The following SOX10 variants were observed in gnomAD, a reference collection of about 807,000 sequenced individuals.
The protein encoded by SOX10 is transcription factor SOX-10.
A neutral mutation model predicts 35.0 loss-of-function variants in SOX10; 3 were observed. The ratio of observed to expected loss-of-function variants is 0.09; its 90% CI spans 0.04 to 0.22. The LOEUF (loss-of-function observed/expected upper bound fraction) is 0.22, where lower values mean the gene tolerates loss of function less well. Among genes scored for constraint, SOX10 ranks in the 10% least tolerant of loss-of-function variants. SOX10 has a pLI of 1.00. For missense variants in SOX10, 436 were observed against 655.1 expected (o/e 0.67, Z 3.65); for synonymous variants, 285 against 291.0 (o/e 0.98, Z 0.21).
chr22:37,975,450 C>CT (rs1467258832), intron 3 of SOX10, among the ~76,000 whole-genome samples: 1 of 152,144 alleles, frequency 6.6e-6, no homozygotes. Context: ...GGTGGTTGCT[C>CT]TGTATGTGGT....
Position 37,980,945 on chromosome 22 carries a change from T to C in SOX10, c.428+2412A>G, listed in dbSNP as rs1233321446. ...CACACAGGAGGGACTCTTGCCTGTG[T>C]CCGCCTTTCCAGTTTCTTGGCTCTG... On this transcript the variant is annotated intron_variant, in intron 2 of 3. Transcript: ENST00000396884. This position sits in a 1 kb window ranked among gnomAD's most constrained non-coding sequence, Gnocchi z 4.1. Among the ~76,000 whole-genome samples, 2 of 152,174 alleles carry C rather than the reference T, an allele frequency of 1.3e-5. No individual in the cohort carries two copies. Among genetic ancestry groups the C allele is most frequent in the Non-Finnish European group, 2.9e-5 (2 of 68,026 alleles).
chr22:37,979,788 G>C (rs1932339473), intron 2 of SOX10, among the ~76,000 whole-genome samples: 1 of 152,086 alleles, frequency 6.6e-6, no homozygotes, highest in South Asian at 2.1e-4. Flanking sequence ...CTTACAGAGG[G>C]GGTCGAGGGG....
Position 37,983,925 on chromosome 22 carries a change from G to C in SOX10, c.-84-57C>G, listed in dbSNP as rs1932491082. 3.4e-6 allele frequency: 2 copies of C among 595,050 alleles called. No homozygotes were observed. The highest frequency in any genetic ancestry group is 3.5e-5 in the South Asian group (1 of 28,330). 36.9% of individuals were successfully genotyped at this position (595,050 alleles called of 1,614,324 possible). A position where few individuals can be genotyped will look rare whatever the true frequency, so the allele number is the denominator to read the frequency against. ...GCGCGCGCAGCCCCGAGGGCGGCCC[G>C]AGACAGGACGTGGGCACAGCCCCGA... is the stretch of plus-strand genomic sequence containing the variant. On this transcript the variant is annotated intron_variant, in intron 1 of 3. Coordinates refer to ENST00000396884, the MANE Select transcript of SOX10 (RefSeq NM_006941.4). The surrounding 1 kb of genome is among the most constrained non-coding windows in gnomAD (Gnocchi z 9.5).
chr22:37,977,266 C>G (rs1004994025), intron 3 of SOX10, among the ~76,000 whole-genome samples: 2 of 151,898 alleles, frequency 1.3e-5, no homozygotes, highest in Non-Finnish European at 2.9e-5. Context: ...TCTTCTCCCC[C>G]TTTACTTGTA....
chr22:37,973,800 G>A lies in SOX10; in HGVS notation c.1096C>T (p.Pro366Ser). ...GATGGCTGGTCGGTGTAGTGTGGGG[G>A]CCCCTGGGGCCCCGCGGTCTCTGTC... ...VKTETAGPQG[P>S]PHYTDQPSTS... Residue 366 changes from proline to serine, a missense_variant, in exon 4 of 4, where the codon CCC becomes TCC. By Grantham distance (74) the Pro-to-Ser change is moderately conservative. Transcript: ENST00000396884. The A allele has an allele frequency of 2.5e-6, 4 of 1,595,254 alleles. No individual in the cohort carries two copies. Among genetic ancestry groups the A allele is most frequent in the Non-Finnish European group, 3.4e-6 (4 of 1,168,348 alleles).
chr22:37,974,026 C>T lies in SOX10; in HGVS notation c.870G>A (p.Glu290=). ...EISHEVMSNM[E]TFDVAELDQY... ...GGTCCAACTCAGCCACATCAAAGGT[C>T]TCCATGTTGGACATTACCTCGTGGC... The change falls in exon 4 of 4, where the codon GAG becomes GAA. Residue 290 remains glutamate (E), a synonymous_variant. Coordinates refer to ENST00000396884, the MANE Select transcript of SOX10 (RefSeq NM_006941.4). The surrounding 1 kb of genome is among the most constrained non-coding windows in gnomAD (Gnocchi z 5.4). 1 of 1,613,996 alleles carries T rather than the reference C, an allele frequency of 6.2e-7. No individual in the cohort carries two copies. Among genetic ancestry groups the T allele is most frequent in the Middle Eastern group, 1.7e-4 (1 of 6,058 alleles).
In SOX10 at chr22:37,978,135, C is replaced by G; in HGVS notation, c.429G>C (p.Arg143Ser). 6.4e-7 allele frequency: 1 copy of G among 1,559,498 alleles called. No individual in the cohort carries two copies. The highest frequency in any genetic ancestry group is 8.7e-7 in the Non-Finnish European group (1 of 1,152,950). ...ELSKTLGKLW[R>S]LLNESDKRPF... ...GGCGCTTGTCACTTTCGTTCAGCAG[C>G]CTGGGGTGTGGTGGGAGGCGGAGAG... Residue 143 changes from arginine (R) to serine (S), a missense_variant and splice_region_variant, in exon 3 of 4, where the codon AGG becomes AGC. Transcript: ENST00000396884. This position sits in a 1 kb window ranked among gnomAD's most constrained non-coding sequence, Gnocchi z 5.0.
In SOX10 at chr22:37,974,194, C is replaced by G. The variant is rs754304135; in HGVS notation, c.702G>C (p.Gln234His). The part of the protein sequence containing the change: ...SDGNPEHPSG[Q>H]SHGPPTPPTT... ...TTGGAGGGGTGGGTGGGCCATGGCT[C>G]TGGCCTGGGTAGAAGGGAGACAGAG... The change falls in exon 4 of 4, where the codon CAG becomes CAC. Residue 234 changes from glutamine (Q) to histidine (H), a missense_variant. Physicochemically the swap from Gln to His is conservative, Grantham distance 24. Around this residue, in one of 3 missense-constraint regions of SOX10, gnomAD observed 285 missense variants for 402.9 expected, o/e 0.71. Transcript: ENST00000396884. The surrounding 1 kb of genome is among the most constrained non-coding windows in gnomAD (Gnocchi z 5.4). The G allele has an allele frequency of 1.0e-5, 16 of 1,601,984 alleles. No homozygotes were observed. Among genetic ancestry groups the G allele is most frequent in the Non-Finnish European group, 1.2e-5 (14 of 1,178,902 alleles).
In SOX10 at chr22:37,980,278, C is replaced by T. The variant is rs780860587; in HGVS notation, c.429-2143G>A. ...GAACCCACAGAGGAGAGAGCTGCTC[C>T]GCCAGCAGTGGACCCCAACAGAGGG... On this transcript the variant is annotated intron_variant, in intron 2 of 3. Transcript: ENST00000396884. The surrounding 1 kb of genome is among the most constrained non-coding windows in gnomAD (Gnocchi z 4.1). 7.5e-4 allele frequency among the ~76,000 whole-genome samples: 114 copies of T among 152,032 alleles called. No individual in the cohort carries two copies. Among genetic ancestry groups the T allele is most frequent in the Non-Finnish European group, 1.5e-3 (102 of 67,984 alleles).
chr22:37,983,953 T>C lies in SOX10; in HGVS notation c.-84-85A>G, dbSNP rs1932492061. On this transcript the variant is annotated intron_variant, in intron 1 of 3. Coordinates refer to ENST00000396884, the MANE Select transcript of SOX10 (RefSeq NM_006941.4). This position sits in a 1 kb window ranked among gnomAD's most constrained non-coding sequence, Gnocchi z 9.5. Reference sequence around the variant, plus strand: ...ACAGGACGTGGGCACAGCCCCGAGGTGGCGGCCCTTCCTGCTCCAGCTAAA... The same window carrying C: ...ACAGGACGTGGGCACAGCCCCGAGGCGGCGGCCCTTCCTGCTCCAGCTAAA... 1 of 419,738 alleles carries C rather than the reference T, an allele frequency of 2.4e-6. No individual in the cohort carries two copies. The allele number at this position is 419,738 out of a possible 1,614,324, so 26.0% of individuals were successfully genotyped here.
chr22:37,979,149 G>A (rs1356788987), intron 2 of SOX10, among the ~76,000 whole-genome samples: 1 of 152,058 alleles, frequency 6.6e-6, no homozygotes, highest in African/African-American at 2.4e-5. Flanking sequence ...CCAGGCTGGA[G>A]TGCCGTGATG....
rs991481364 is a variant in SOX10 at position 37,974,581 on chromosome 22, G to A, written c.698-383C>T. 2.6e-5 allele frequency among the ~76,000 whole-genome samples: 4 copies of A among 152,066 alleles called. No individual in the cohort carries two copies. The highest frequency in any genetic ancestry group is 4.4e-5 in the Non-Finnish European group (3 of 68,004). ...TTGGCCAGGGTTGTCTTGAACTCCT[G>A]ACCTCAGGTGATCCACCTGCCTCGG... On this transcript the variant is annotated intron_variant, in intron 3 of 3. Coordinates refer to ENST00000396884, the MANE Select transcript of SOX10 (RefSeq NM_006941.4). The surrounding 1 kb of genome is among the most constrained non-coding windows in gnomAD (Gnocchi z 5.4).
intron 3 of SOX10, among the ~76,000 whole-genome samples, chr22:37,976,685 C>T (rs1203489454): frequency 6.6e-6 from 1 of 152,198 alleles, no homozygotes; most frequent in East Asian, 1.9e-4. Context: ...TAACTTGCCA[C>T]AGCTGAGATC....
rs373169730 is a variant in SOX10 at position 37,984,537 on chromosome 22, C to G, written c.-283G>C. The stretch of plus-strand genomic sequence containing the variant: ...CACCAACCACCCTGGCCGGACAGCC[C>G]GAGACTGACTGAGCGACTGAGCCTG... On this transcript the variant is annotated 5_prime_UTR_variant, in exon 1 of 4. Transcript: ENST00000396884. The surrounding 1 kb of genome is among the most constrained non-coding windows in gnomAD (Gnocchi z 4.4). 6.6e-6 allele frequency: 1 copy of G among 150,464 alleles called. No individual in the cohort carries two copies. Among genetic ancestry groups the G allele is most frequent in the Non-Finnish European group, 1.5e-5 (1 of 67,760 alleles). The allele number at this position is 150,464 out of a possible 1,614,324, so 9.3% of individuals were successfully genotyped here.
rs1932455293 is a variant in SOX10 at position 37,983,249 on chromosome 22, G to A, written c.428+108C>T. 7.7e-7 allele frequency: 1 copy of A among 1,291,976 alleles called. No homozygotes were observed. The highest frequency in any genetic ancestry group is 1.1e-6 in the Non-Finnish European group (1 of 923,784). 80.0% of individuals were successfully genotyped at this position (1,291,976 alleles called of 1,614,324 possible). ...TGGTCTTCCAGCCCTATCCAAGGAGGACTGCCAGACAGTCCCGCTCTGAGG... is the reference window on the plus strand; with the variant it reads ...TGGTCTTCCAGCCCTATCCAAGGAGAACTGCCAGACAGTCCCGCTCTGAGG... On this transcript the variant is annotated intron_variant, in intron 2 of 3. Coordinates refer to ENST00000396884, the MANE Select transcript of SOX10 (RefSeq NM_006941.4). The surrounding 1 kb of genome is among the most constrained non-coding windows in gnomAD (Gnocchi z 9.5).
At chr22:37,976,245 AAGAC>A (rs1932216346) in intron 3 of SOX10, among the ~76,000 whole-genome samples, 3 of 152,118 alleles carry the variant, frequency 2.0e-5, no homozygotes, top group Non-Finnish European at 2.9e-5. Flanking sequence ...AAACAAAAAA[AAGAC>A]AGAGTCTTAC....
Position 37,972,747 on chromosome 22 carries a change from T to C in SOX10, c.*748A>G, listed in dbSNP as rs918725833. The C allele has an allele frequency of 6.4e-6, 1 of 156,822 alleles. No individual in the cohort carries two copies. The highest frequency in any genetic ancestry group is 6.1e-5 in the Admixed American group (1 of 16,410). 9.7% of individuals were successfully genotyped at this position (156,822 alleles called of 1,614,324 possible). A position where few individuals can be genotyped will look rare whatever the true frequency, so the allele number is the denominator to read the frequency against. ...GGCTCTGTGAATTGTCTCTGATTCC[T>C]TTCCTGGAGCCCCTGCCTCGTCACC... is the stretch of plus-strand genomic sequence containing the variant. On this transcript the variant is annotated 3_prime_UTR_variant, in exon 4 of 4. Transcript: ENST00000396884.
rs1932362648 is a variant in SOX10, at chr22:37,980,429, T to C, written c.429-2294A>G. 6.6e-6 allele frequency among the ~76,000 whole-genome samples: 1 copy of C among 152,022 alleles called. No individual in the cohort carries two copies. The highest frequency in any genetic ancestry group is 1.9e-4 in the East Asian group (1 of 5,182). On this transcript the variant is annotated intron_variant, in intron 2 of 3. Transcript: ENST00000396884. The surrounding 1 kb of genome is among the most constrained non-coding windows in gnomAD (Gnocchi z 4.1). ...ACAGGGGCCAGAAGAGAGAGAGGAT[T>C]CCAACATCGGATTCCGCTGCTACCT... is the stretch of plus-strand genomic sequence containing the variant.
At position 37,983,708 on chromosome 22, in the gene SOX10, C is replaced by T. The variant is rs1932478012; in HGVS notation, c.77G>A (p.Gly26Glu). ...GTCGGGCCCTAGCGAGGGCGCGCTCCCCGGGGACAGGCAGCGGGGCTCCTC... is the reference window on the plus strand; with the variant it reads ...GTCGGGCCCTAGCGAGGGCGCGCTCTCCGGGGACAGGCAGCGGGGCTCCTC... ...GSEEPRCLSP[G>E]SAPSLGPDGG... is the part of the protein sequence containing the mutation. The change falls in exon 2 of 4, where the codon GGG (glycine) becomes GAG (glutamate). Residue 26 changes from glycine to glutamate, a missense_variant. Around this residue, in one of 3 missense-constraint regions of SOX10, gnomAD observed 97 missense variants for 95.5 expected, o/e 1.02. Transcript: ENST00000396884. This position sits in a 1 kb window ranked among gnomAD's most constrained non-coding sequence, Gnocchi z 9.5. The T allele has an allele frequency of 1.3e-6, 2 of 1,505,732 alleles. No homozygotes were observed. The highest frequency in any genetic ancestry group is 1.4e-5 in the African/African-American group (1 of 70,896). The allele number at this position is 1,505,732 out of a possible 1,614,324, so 93.3% of individuals were successfully genotyped here.
Sources: gnomAD v4.1 joint callset for allele counts (sites outside exome capture counted in the v4.1 genomes callset) on GRCh38, gnomAD v4.1.1 for gene constraint, gnomAD v4.1.1 regional missense constraint, Gnocchi (gnomAD v3.1) non-coding constraint, MANE v1.5 for transcripts, NCBI Gene and HGNC (gene_info 2026-07-23, HGNC 2026-07-21) for gene names.